The following NAV2 variants were observed in gnomAD, a reference collection of about 807,000 sequenced individuals.
The protein encoded by NAV2 is helicase, APC down-regulated 1.
NAV2 carries 54 observed loss-of-function variants against 223.2 expected under a neutral mutation model. The observed-to-expected ratio is 0.24, with a 90% CI of 0.19 to 0.30. The LOEUF (loss-of-function observed/expected upper bound fraction) is 0.30. NAV2 is among the 10% of genes least tolerant of loss of function. The probability of loss-of-function intolerance (pLI) is 1.00; values close to 1 mark genes in which losing one functional copy is unlikely to be tolerated. For synonymous variants in NAV2, 1,279 were observed against 1,239.3 expected, an observed-to-expected ratio of 1.03 and a Z score of -0.67; for missense variants, 2,806 against 3,147.5, an observed-to-expected ratio of 0.89 and a Z score of 2.60.
In NAV2 at chr11:19,351,833, G is replaced by T. The variant is rs567187559; in HGVS notation, c.75+806G>T. Among the ~76,000 whole-genome samples, 451 of 108,234 alleles carry T rather than the reference G, an allele frequency of 4.2e-3. 4 individuals carry two copies. The highest frequency in any genetic ancestry group is 0.013 in the African/African-American group (370 of 27,580). 71.0% of individuals were successfully genotyped at this position (108,234 alleles called of 152,430 possible). ...AAAAAAAAAAAAAAAAAAAAAAAAA[G>T]ACTTCTGATGTTCTTTCAGAGTGGT... On this transcript the variant is annotated intron_variant, in intron 1 of 37. Transcript: ENST00000360655.
intron 28 of NAV2, 104 bp downstream of exon 28, chr11:20,092,472 G>A (rs1258370543): frequency 1.6e-6 from 2 of 1,217,940 alleles, no homozygotes; most frequent in African/African-American, 1.5e-5. Flanking sequence ...CAAATGGAGA[G>A]GCAACAGGCG....
chr11:20,068,136 C>T lies in NAV2; in HGVS notation c.4885-50C>T, dbSNP rs1490880697. The T allele has an allele frequency of 2.6e-6, 4 of 1,558,696 alleles. No individual in the cohort carries two copies. In the South Asian group the frequency reaches 3.3e-5, roughly 13 times the overall value. ...GGTGTTCCCGATGGGCTGGACTACA[C>T]TATTCTTTGTTCCTTAACTGGTCTA... On this transcript the variant is annotated intron_variant, in intron 20 of 37. Transcript: ENST00000349880.
chr11:20,053,694 T>A (rs2058172539), intron 17 of NAV2, among the ~76,000 whole-genome samples: 1 of 152,204 alleles, frequency 6.6e-6, no homozygotes, highest in African/African-American at 2.4e-5. Context: ...ATGCCATGAG[T>A]TGTCTAATTA....
intron 1 of NAV2, among the ~76,000 whole-genome samples, chr11:19,600,602 C>G (rs926147335): frequency 6.6e-6 from 1 of 152,208 alleles, no homozygotes; most frequent in Non-Finnish European, 1.5e-5. Context: ...GTTCAAATCT[C>G]ACCTCTTCTG....
intron 1 of NAV2, among the ~76,000 whole-genome samples, chr11:19,560,345 C>T (rs1485871142): frequency 6.6e-6 from 1 of 152,132 alleles, no homozygotes; most frequent in African/African-American, 2.4e-5. Context: ...CACTGGGGTG[C>T]GGGGCACTGG....
At chr11:19,953,075 G>C (rs555989091) in intron 10 of NAV2, among the ~76,000 whole-genome samples, 5 of 152,010 alleles carry the variant, frequency 3.3e-5, no homozygotes, top group Non-Finnish European at 5.9e-5. Flanking sequence ...AAAATTCAAA[G>C]TGCCATATGG....
At chr11:19,650,022 G>T (rs1331658842) in intron 1 of NAV2, among the ~76,000 whole-genome samples, 2 of 152,184 alleles carry the variant, frequency 1.3e-5, no homozygotes, top group Non-Finnish European at 2.9e-5. Flanking sequence ...TTGGAAAATG[G>T]CAGTTCTTAT....
intron 1 of NAV2, among the ~76,000 whole-genome samples, chr11:19,372,285 A>C (rs533323936): frequency 3.5e-4 from 54 of 152,290 alleles, no homozygotes; most frequent in African/African-American, 1.2e-3. Context: ...CTGAATATGC[A>C]CTTGATTCCC....
At chr11:19,701,289 G>A (rs939804135) in intron 1 of NAV2, among the ~76,000 whole-genome samples, 1 of 152,130 alleles carries the variant, frequency 6.6e-6, no homozygotes, top group East Asian at 1.9e-4. Flanking sequence ...CAAGGAAAGT[G>A]CTCAAATGGC....
chr11:20,037,762 T>G (rs894090465), intron 12 of NAV2, among the ~76,000 whole-genome samples: 44 of 152,240 alleles, frequency 2.9e-4, no homozygotes, highest in Non-Finnish European at 3.2e-4. Flanking sequence ...GATCACTGTT[T>G]CATCAGTGAT....
chr11:20,050,384 T>C (rs1293307972), intron 16 of NAV2, among the ~76,000 whole-genome samples: 8 of 152,152 alleles, frequency 5.3e-5, no homozygotes, highest in African/African-American at 1.7e-4. Flanking sequence ...TTGCAGACTG[T>C]TGTGTTCTGT....
rs1178743720 is a variant in NAV2, at chr11:19,945,767, T to C, written c.2147-634T>C. 2.6e-5 allele frequency among the ~76,000 whole-genome samples: 4 copies of C among 152,306 alleles called. No individual in the cohort carries two copies. In the East Asian group the frequency reaches 7.7e-4, roughly 29 times the overall value. On this transcript the variant is annotated intron_variant, in intron 8 of 37. Transcript: ENST00000349880. ...CCAGTTTGTCTCCACAAATGTCCTTTGAGGTCAGTACTACCACTGCGTTCC... is the reference window on the plus strand; with the variant it reads ...CCAGTTTGTCTCCACAAATGTCCTTCGAGGTCAGTACTACCACTGCGTTCC...
chr11:19,614,079 G>A (rs2046719640), intron 1 of NAV2, among the ~76,000 whole-genome samples: 1 of 152,152 alleles, frequency 6.6e-6, no homozygotes, highest in Non-Finnish European at 1.5e-5. Context: ...GCAGGGTGCT[G>A]TACAGATAAA....
intron 11 of NAV2, among the ~76,000 whole-genome samples, chr11:20,028,921 A>G (rs571031002): frequency 1.0e-3 from 156 of 152,330 alleles, no homozygotes; most frequent in African/African-American, 3.7e-3. Context: ...CCAAGCAGGT[A>G]GCACATGTGA....
chr11:19,935,325 A>G (rs1591314814), intron 7 of NAV2, among the ~76,000 whole-genome samples: 1 of 152,222 alleles, frequency 6.6e-6, no homozygotes, highest in Non-Finnish European at 1.5e-5. Context: ...GTGCATACAG[A>G]TGCACAGCTG....
intron 1 of NAV2, among the ~76,000 whole-genome samples, chr11:19,629,542 GAC>G (rs10604730): frequency 0.35 from 46,511 of 134,118 alleles, 7,472 homozygotes; most frequent in Middle Eastern, 0.4. Flanking sequence ...CTCTCTCTCT[GAC>G]ACACACACAC....
At chr11:19,478,561 A>G (rs2042187754) in intron 1 of NAV2, among the ~76,000 whole-genome samples, 1 of 152,250 alleles carries the variant, frequency 6.6e-6, no homozygotes, top group African/African-American at 2.4e-5. Context: ...TAATCAGCCC[A>G]TTAAAATTTG....
chr11:19,728,440 TG>T (rs2051442449), intron 1 of NAV2, among the ~76,000 whole-genome samples: 1 of 152,202 alleles, frequency 6.6e-6, no homozygotes, highest in African/African-American at 2.4e-5. Context: ...ATGCACACCC[TG>T]GGGTGAGATC....
chr11:19,381,704 A>G (rs1251739742), intron 1 of NAV2, among the ~76,000 whole-genome samples: 1 of 152,210 alleles, frequency 6.6e-6, no homozygotes, highest in Admixed American at 6.5e-5. Context: ...AGCACTGGGT[A>G]TAAGTGGACC....
Sources: gnomAD v4.1 joint callset for allele counts (sites outside exome capture counted in the v4.1 genomes callset) on GRCh38, gnomAD v4.1.1 for gene constraint, MANE v1.5 for transcripts, NCBI Gene and HGNC (gene_info 2026-07-23, HGNC 2026-07-21) for gene names.